Variants in ZNF860 observed in about 807,000 individuals in gnomAD.
ZNF860 encodes zinc finger protein 860.
For synonymous variants in ZNF860, 206 were observed against 248.9 expected (o/e 0.83, Z 1.62); for missense variants, 641 against 759.2 (o/e 0.84, Z 1.83).
Position 31,989,297 on chromosome 3 carries a change from A to G in ZNF860, c.218A>G (p.Lys73Arg), listed in dbSNP as rs755478749. ...ATCTCTTCCAAATGCATGATGAAGA[A>G]GTTCTCATCAACAGCGCAAGGCAAT... ...VDISSKCMMK[K>R]FSSTAQGNTE... Residue 73 changes from lysine (K) to arginine (R), a missense_variant, in exon 2 of 2, where the codon AAG (lysine) becomes AGG (arginine). Coordinates refer to ENST00000360311, the MANE Select transcript of ZNF860 (RefSeq NM_001137674.3). 3 of 1,614,208 alleles carry G rather than the reference A, an allele frequency of 1.9e-6. No homozygotes were observed. The highest frequency in any genetic ancestry group is 2.5e-6 in the Non-Finnish European group (3 of 1,180,040).
the ZNF860 span, among the ~76,000 whole-genome samples, chr3:31,997,653 A>T: frequency 3.9e-5 from 6 of 151,968 alleles, no homozygotes; most frequent in Non-Finnish European, 7.4e-5. Context: ...ACTTTCCTTT[A>T]TCAAATAGTC....
rs1260519784 is a variant in ZNF860 at position 31,989,690 on chromosome 3, C to T, written c.611C>T (p.Ser204Phe). 1 of 1,613,814 alleles carries T rather than the reference C, an allele frequency of 6.2e-7. No individual in the cohort carries two copies. Among genetic ancestry groups the T allele is most frequent in the Non-Finnish European group, 8.5e-7 (1 of 1,179,962 alleles). The change falls in exon 2 of 2, where the codon TCT (serine) becomes TTT (phenylalanine). Residue 204 changes from serine (S) to phenylalanine (F), a missense_variant. By Grantham distance (155) the Ser-to-Phe change is radical. Transcript: ENST00000360311. ...TCTTCTAGGCCCAAAATCCATATTTCTAATAACTATGAAAATAATTTCTTC... is the reference window on the plus strand; with the variant it reads ...TCTTCTAGGCCCAAAATCCATATTTTTAATAACTATGAAAATAATTTCTTC... ...RISSRPKIHI[S>F]NNYENNFFHS...
chr3:32,002,110 C>G, the ZNF860 span, among the ~76,000 whole-genome samples: 1 of 152,176 alleles, frequency 6.6e-6, no homozygotes, highest in Non-Finnish European at 1.5e-5. Context: ...CTTCCTGGCT[C>G]ATACAAGTCC....
At chr3:32,002,335 G>T in the ZNF860 span, among the ~76,000 whole-genome samples, 64 of 152,218 alleles carry the variant, frequency 4.2e-4, no homozygotes, top group East Asian at 9.2e-3. Flanking sequence ...CCACACACCA[G>T]GAGAACCATA....
chr3:32,001,738 T>TAA, the ZNF860 span, among the ~76,000 whole-genome samples: 26 of 144,296 alleles, frequency 1.8e-4, no homozygotes, highest in African/African-American at 4.6e-4. Context: ...ATATCAAGTG[T>TAA]AAAAAAAAAA....
chr3:31,984,891 T>C (rs369304527), intron 1 of ZNF860, among the ~76,000 whole-genome samples: 6 of 152,346 alleles, frequency 3.9e-5, no homozygotes, highest in Non-Finnish European at 8.8e-5. Flanking sequence ...GAATCAGCTA[T>C]GTCGAATTTT....
chr3:32,005,175 G>C, the ZNF860 span, among the ~76,000 whole-genome samples: 141 of 152,198 alleles, frequency 9.3e-4, no homozygotes, highest in African/African-American at 3.3e-3. Context: ...GCGTCATCTA[G>C]GTTTTAAGTC....
Position 31,982,472 on chromosome 3 carries a change from T to G in ZNF860, c.-421+570T>G, listed in dbSNP as rs772935815. Among the ~76,000 whole-genome samples the G allele has an allele frequency of 9.1e-4, 138 of 152,224 alleles. 1 individual carries two copies. Among genetic ancestry groups the G allele is most frequent in the Middle Eastern group, 3.4e-3 (1 of 294 alleles). Reference sequence around the variant, plus strand: ...TCAAGAGTTAAAAAAAATTACTAAATGGAAAAGTCAGCTCTCAAAGGGACA... The same window carrying G: ...TCAAGAGTTAAAAAAAATTACTAAAGGGAAAAGTCAGCTCTCAAAGGGACA... On this transcript the variant is annotated intron_variant, in intron 1 of 1. Coordinates refer to ENST00000360311, the MANE Select transcript of ZNF860 (RefSeq NM_001137674.3).
downstream of ZNF860, among the ~76,000 whole-genome samples, chr3:31,994,805 A>G (rs544017770): frequency 1.3e-5 from 2 of 152,340 alleles, no homozygotes; most frequent in South Asian, 2.1e-4. Flanking sequence ...CAAATACCCC[A>G]GTATCAGGGG....
intron 1 of ZNF860, among the ~76,000 whole-genome samples, chr3:31,984,466 T>A (rs1363006000): frequency 6.6e-6 from 1 of 152,038 alleles, no homozygotes; most frequent in Non-Finnish European, 1.5e-5. Context: ...CTGAGTCAGT[T>A]CCTGAGTAAG....
downstream of ZNF860, among the ~76,000 whole-genome samples, chr3:31,994,922 C>A (rs62244402): frequency 0.041 from 6,299 of 152,240 alleles, 177 homozygotes; most frequent in East Asian, 0.069. Flanking sequence ...TACAGCTGGG[C>A]TGCCAGGGGT....
rs1699031218 is a variant in ZNF860, at chr3:31,991,621, T to C, written c.*643T>C. Reference sequence around the variant, plus strand: ...GTATTCTGCAAATACACTGTGTTTATTAGCTTCAGTAGTATTTTAGTTGAC... The same window carrying C: ...GTATTCTGCAAATACACTGTGTTTACTAGCTTCAGTAGTATTTTAGTTGAC... On this transcript the variant is annotated 3_prime_UTR_variant, in exon 2 of 2. Coordinates refer to ENST00000360311, the MANE Select transcript of ZNF860 (RefSeq NM_001137674.3). 1 of 166,596 alleles carries C rather than the reference T, an allele frequency of 6.0e-6. No homozygotes were observed. Among genetic ancestry groups the C allele is most frequent in the Admixed American group, 6.5e-5 (1 of 15,282 alleles). 10.3% of individuals were successfully genotyped at this position (166,596 alleles called of 1,614,324 possible).
rs758997120 is a variant in ZNF860, at chr3:31,990,168, T to C, written c.1089T>C (p.Ile363=). ...CACACCTCACACAACACACTAGAATTCACACTGGAGAGAAACCTTACAAGT... is the reference window on the plus strand; with the variant it reads ...CACACCTCACACAACACACTAGAATCCACACTGGAGAGAAACCTTACAAGT... ...RDSHLTQHTR[I]HTGEKPYKCN... The change falls in exon 2 of 2, where the codon ATT becomes ATC. Residue 363 remains isoleucine, a synonymous_variant. Coordinates refer to ENST00000360311, the MANE Select transcript of ZNF860 (RefSeq NM_001137674.3). The C allele has an allele frequency of 1.9e-6, 3 of 1,611,572 alleles. No individual in the cohort carries two copies. Among genetic ancestry groups the C allele is most frequent in the South Asian group, 2.2e-5 (2 of 90,898 alleles).
intron 1 of ZNF860, among the ~76,000 whole-genome samples, chr3:31,987,220 T>A (rs1196910108): frequency 6.6e-6 from 1 of 152,180 alleles, no homozygotes; most frequent in Non-Finnish European, 1.5e-5. Context: ...GTTCATACTA[T>A]AAAACATATA....
Position 31,988,933 on chromosome 3 carries a change from C to T in ZNF860, c.-147C>T, listed in dbSNP as rs952903147. On this transcript the variant is annotated 5_prime_UTR_variant, in exon 2 of 2. Coordinates refer to ENST00000360311, the MANE Select transcript of ZNF860 (RefSeq NM_001137674.3). ...TGAAGTGCCTCCAAACCCCGACCCA[C>T]AGCGACTGTGAGATAATCAGTGTTT... 9.3e-7 allele frequency: 1 copy of T among 1,074,370 alleles called. No individual in the cohort carries two copies. Among genetic ancestry groups the T allele is most frequent in the African/African-American group, 1.6e-5 (1 of 62,726 alleles). The allele number at this position is 1,074,370 out of a possible 1,614,324, so 66.6% of individuals were successfully genotyped here.
downstream of ZNF860, among the ~76,000 whole-genome samples, chr3:31,993,869 A>T (rs143103163): frequency 1.0e-3 from 158 of 152,350 alleles, no homozygotes; most frequent in African/African-American, 3.4e-3. Flanking sequence ...CTAGATATTT[A>T]TACAAATATA....
the ZNF860 span, among the ~76,000 whole-genome samples, chr3:32,006,172 C>G: frequency 6.6e-6 from 1 of 152,168 alleles, no homozygotes; most frequent in African/African-American, 2.4e-5. Flanking sequence ...TCTCAAACTC[C>G]TGACCTCAGG....
downstream of ZNF860, among the ~76,000 whole-genome samples, chr3:31,996,389 G>T (rs1195473983): frequency 6.6e-6 from 1 of 152,144 alleles, no homozygotes; most frequent in Non-Finnish European, 1.5e-5. Context: ...ATATGATTGT[G>T]GGTTGTTTCA....
At chr3:31,995,453 G>C (rs1699081641), downstream of ZNF860, among the ~76,000 whole-genome samples, 1 of 152,112 alleles carries the variant, frequency 6.6e-6, no homozygotes, top group Non-Finnish European at 1.5e-5. Flanking sequence ...AGAAAAATAT[G>C]GCTCTTTTTG....
Sources: gnomAD v4.1 joint callset for allele counts (sites outside exome capture counted in the v4.1 genomes callset) on GRCh38, gnomAD v4.1.1 for gene constraint, MANE v1.5 for transcripts, NCBI Gene and HGNC (gene_info 2026-07-23, HGNC 2026-07-21) for gene names.